Variants in EXT2 observed in about 807,000 individuals in gnomAD.
EXT2 encodes exostosin-2.
Under a neutral mutation model 81.6 loss-of-function variants are expected in EXT2, and 53 were observed. That is an observed-to-expected ratio of 0.65 (90% CI 0.52 to 0.82). The LOEUF is 0.82. Among genes scored for constraint, EXT2 ranks in the 40% least tolerant of loss-of-function variants. EXT2 has a pLI of 0.00. For synonymous variants in EXT2, 320 were observed against 340.0 expected, an observed-to-expected ratio of 0.94 and a Z score of 0.65; for missense variants, 774 against 910.2, an observed-to-expected ratio of 0.85 and a Z score of 1.93.
intron 8 of EXT2, among the ~76,000 whole-genome samples, chr11:44,188,390 A>AC (rs1955345856): frequency 6.6e-6 from 1 of 152,248 alleles, no homozygotes. Context: ...GTGAAAGAGT[A>AC]AAGAAGGAGT....
intron 1 of EXT2, among the ~76,000 whole-genome samples, chr11:44,104,972 T>G (rs893648033): frequency 1.2e-4 from 19 of 152,240 alleles, no homozygotes; most frequent in African/African-American, 4.1e-4. Flanking sequence ...TTTTCATGTA[T>G]TAGTCAATGA....
In EXT2 at chr11:44,246,789, C is replaced by T. The variant is rs1590678131; in HGVS notation, c.*2502C>T. ...ATTTCTGAGCTGCTAACCAGCAAAC[C>T]TCACCCATAAGCTTAGGTCAGGATC... On this transcript the variant is annotated 3_prime_UTR_variant, in exon 14 of 14. Transcript: ENST00000533608. 6.6e-6 allele frequency among the ~76,000 whole-genome samples: 1 copy of T among 152,348 alleles called. No homozygotes were observed. The highest frequency in any genetic ancestry group is 1.5e-5 in the Non-Finnish European group (1 of 68,038).
chr11:44,235,986 T>C (rs1168752697), intron 12 of EXT2, among the ~76,000 whole-genome samples: 1 of 152,180 alleles, frequency 6.6e-6, no homozygotes, highest in African/African-American at 2.4e-5. Context: ...CAAATGGTGT[T>C]TATACAAGGA....
chr11:44,237,900 C>CT (rs1564988945), intron 13 of EXT2, among the ~76,000 whole-genome samples: 1 of 83,894 alleles, frequency 1.2e-5, no homozygotes, highest in African/African-American at 5.2e-5. Context: ...CCCGTCTCTA[C>CT]TTAAAAAAAA....
intron 4 of EXT2, among the ~76,000 whole-genome samples, chr11:44,122,967 G>C (rs1009907995): frequency 6.6e-6 from 1 of 152,138 alleles, no homozygotes; most frequent in Admixed American, 6.5e-5. Context: ...GAGTCTGCTG[G>C]TTCCTTTTTT....
intron 7 of EXT2, among the ~76,000 whole-genome samples, chr11:44,132,689 C>T (rs920404068): frequency 3.9e-5 from 6 of 152,176 alleles, no homozygotes; most frequent in East Asian, 1.9e-4. Flanking sequence ...CCACTTGCCT[C>T]CTCTAGTGGT....
At chr11:44,198,307 T>A (rs1222175959) in intron 9 of EXT2, among the ~76,000 whole-genome samples, 1 of 152,126 alleles carries the variant, frequency 6.6e-6, no homozygotes, top group Non-Finnish European at 1.5e-5. Flanking sequence ...TCTCAGCTGA[T>A]TTGTTTACAT....
chr11:44,144,171 G>C, intron 7 of EXT2: 1 of 1,302,176 alleles, frequency 7.7e-7, no homozygotes, highest in South Asian at 1.2e-5. Context: ...TTTATAGCTA[G>C]TTGACCCAAG....
intron 10 of EXT2, among the ~76,000 whole-genome samples, chr11:44,207,986 G>A (rs780024186): frequency 3.4e-4 from 52 of 152,058 alleles, no homozygotes; most frequent in Admixed American, 3.0e-3. Context: ...ATTGATGTGC[G>A]ATGCCCTGGA....
chr11:44,181,767 G>T (rs1955239352), intron 8 of EXT2, among the ~76,000 whole-genome samples: 1 of 151,846 alleles, frequency 6.6e-6, no homozygotes, highest in South Asian at 2.1e-4. Context: ...TTTATTGTTT[G>T]GTTTCTTTGA....
At position 44,220,495 on chromosome 11, in the gene EXT2, A is replaced by G. The variant is rs1955770265; in HGVS notation, c.1663-11858A>G. ...TAGAGACTATTGTCTTTAGAAGAGA[A>G]TGGGCCACAAACAGCTCATTTCTGT... On this transcript the variant is annotated intron_variant, in intron 10 of 13. Transcript: ENST00000533608. This position sits in a 1 kb window ranked among gnomAD's most constrained non-coding sequence, Gnocchi z 4.4. 1.3e-5 allele frequency among the ~76,000 whole-genome samples: 2 copies of G among 152,200 alleles called. No homozygotes were observed. Among genetic ancestry groups the G allele is most frequent in the South Asian group, 2.1e-4 (1 of 4,828 alleles).
At chr11:44,139,435 A>C (rs1229603630) in intron 7 of EXT2, among the ~76,000 whole-genome samples, 2 of 152,156 alleles carry the variant, frequency 1.3e-5, no homozygotes, top group Non-Finnish European at 2.9e-5. Flanking sequence ...TAAGCTAAAA[A>C]TAAAGGACAT....
chr11:44,124,853 G>A lies in EXT2; in HGVS notation c.808G>A (p.Glu270Lys). 2 of 1,614,026 alleles carry A rather than the reference G, an allele frequency of 1.2e-6. No individual in the cohort carries two copies. Among genetic ancestry groups the A allele is most frequent in the Non-Finnish European group, 1.7e-6 (2 of 1,180,010 alleles). ...GLHPEYREDLEALQVKHGESV... is the reference protein window; with the variant it reads ...GLHPEYREDLKALQVKHGESV... The stretch of plus-strand genomic sequence containing the variant: ...CCATCCTGAGTACAGAGAGGACCTA[G>A]AAGCCCTCCAGGTCAAACATGGAGA... Residue 270 changes from glutamate (E) to lysine (K), a missense_variant, in exon 5 of 14, where the codon GAA becomes AAA. Glu to Lys is a moderately conservative substitution (Grantham distance 56). Around this residue, in one of 2 missense-constraint regions of EXT2, gnomAD observed 626 missense variants for 670.5 expected, o/e 0.93. Transcript: ENST00000533608.
At chr11:44,129,866 C>A (rs971252313) in intron 6 of EXT2, among the ~76,000 whole-genome samples, 179 bp from the exon 7 acceptor site, 1 of 152,078 alleles carries the variant, frequency 6.6e-6, no homozygotes. Flanking sequence ...AAGAGAACTC[C>A]TTTGAGAAGT....
chr11:44,234,013 G>A, intron 11 of EXT2, 102 bp from the exon 12 acceptor site: 1 of 1,522,910 alleles, frequency 6.6e-7, no homozygotes, highest in South Asian at 1.2e-5. Context: ...TTAATCTTAT[G>A]AGAGAAAGCT....
chr11:44,151,880 T>G (rs542833939), intron 7 of EXT2, among the ~76,000 whole-genome samples: 1 of 152,334 alleles, frequency 6.6e-6, no homozygotes, highest in East Asian at 1.9e-4. Flanking sequence ...CAACATTTGG[T>G]GTTCTCAGTG....
rs1331389702 is a variant in EXT2 at position 44,248,943 on chromosome 11, T to G, written c.*4656T>G. Among the ~76,000 whole-genome samples, 1 of 152,130 alleles carries G rather than the reference T, an allele frequency of 6.6e-6. No homozygotes were observed. The highest frequency in any genetic ancestry group is 1.9e-4 in the East Asian group (1 of 5,196). On this transcript the variant is annotated 3_prime_UTR_variant, in exon 14 of 14. Coordinates refer to ENST00000533608, the MANE Select transcript of EXT2 (RefSeq NM_207122.2). ...TATCTGGCATTTTGTTTCTTCACAT[T>G]TGCAACCATTTCAGGGTAGAGTTTT...
At chr11:44,154,221 C>G (rs1296059150) in intron 7 of EXT2, among the ~76,000 whole-genome samples, 1 of 152,048 alleles carries the variant, frequency 6.6e-6, no homozygotes, top group Non-Finnish European at 1.5e-5. Context: ...GTTGCACTAT[C>G]AAATACTATA....
intron 7 of EXT2, among the ~76,000 whole-genome samples, chr11:44,158,267 C>T (rs1954882437): frequency 6.6e-6 from 1 of 152,132 alleles, no homozygotes; most frequent in Non-Finnish European, 1.5e-5. Context: ...GGTTCTGAGC[C>T]CAGACTTGCC....
Sources: allele counts gnomAD v4.1 joint callset (sites outside exome capture counted in the v4.1 genomes callset), GRCh38; gene constraint gnomAD v4.1.1; regional missense constraint gnomAD v4.1.1; non-coding constraint Gnocchi (gnomAD v3.1); transcripts MANE v1.5; gene names NCBI Gene and HGNC (gene_info 2026-07-23, HGNC 2026-07-21).